The following SLC35F1 variants were observed in gnomAD, a reference collection of about 807,000 sequenced individuals.
SLC35F1 encodes solute carrier family 35 member F1.
In SLC35F1, 14 loss-of-function variants were observed where a neutral mutation model predicts 48.7. The ratio of observed to expected loss-of-function variants is 0.29; its 90% CI spans 0.19 to 0.45. SLC35F1 has a LOEUF of 0.45. SLC35F1 is among the 20% of genes least tolerant of loss of function. The pLI, the probability that SLC35F1 is intolerant of heterozygous loss-of-function variation, is 1.00. For synonymous variants in SLC35F1, 190 were observed against 202.2 expected, an observed-to-expected ratio of 0.94 and a Z score of 0.51; for missense variants, 404 against 500.0, an observed-to-expected ratio of 0.81 and a Z score of 1.83.
chr6:118,089,357 G>A (rs538844316), intron 1 of SLC35F1, among the ~76,000 whole-genome samples: 10 of 152,202 alleles, frequency 6.6e-5, no homozygotes, highest in South Asian at 2.1e-4. Flanking sequence ...TCATCCTTAC[G>A]TATGCCCAAA....
At chr6:118,297,720 T>A (rs977927786) in intron 7 of SLC35F1, among the ~76,000 whole-genome samples, 166 of 113,768 alleles carry the variant, frequency 1.5e-3, no homozygotes, top group Non-Finnish European at 2.2e-3. Flanking sequence ...GAAATATATA[T>A]TATATATATA....
chr6:118,123,463 T>C (rs907968557), intron 1 of SLC35F1, among the ~76,000 whole-genome samples: 1 of 152,086 alleles, frequency 6.6e-6, no homozygotes, highest in African/African-American at 2.4e-5. Flanking sequence ...TGGAGATAGA[T>C]TCTACACAAA....
At chr6:118,118,274 C>T (rs1773500807) in intron 1 of SLC35F1, among the ~76,000 whole-genome samples, 1 of 152,152 alleles carries the variant, frequency 6.6e-6, no homozygotes, top group South Asian at 2.1e-4. Flanking sequence ...AGTGGGGATA[C>T]ACTTAACACT....
At chr6:118,274,864 C>T (rs1775901626) in intron 4 of SLC35F1, among the ~76,000 whole-genome samples, 1 of 152,212 alleles carries the variant, frequency 6.6e-6, no homozygotes, top group Non-Finnish European at 1.5e-5. Context: ...TGCCCATGGT[C>T]AAAGTGCAAT....
intron 2 of SLC35F1, among the ~76,000 whole-genome samples, chr6:118,223,732 C>A (rs1345293583): frequency 6.6e-6 from 1 of 152,216 alleles, no homozygotes; most frequent in Non-Finnish European, 1.5e-5. Flanking sequence ...CGTTGACACT[C>A]CATCTTGCTA....
intron 3 of SLC35F1, among the ~76,000 whole-genome samples, chr6:118,250,275 G>T (rs940976637): frequency 3.9e-5 from 6 of 151,982 alleles, no homozygotes; most frequent in Non-Finnish European, 5.9e-5. Flanking sequence ...TACTTAATTG[G>T]CTGTCTTGTC....
At chr6:118,052,707 A>T (rs1361620319) in intron 1 of SLC35F1, among the ~76,000 whole-genome samples, 2 of 152,224 alleles carry the variant, frequency 1.3e-5, no homozygotes, top group Non-Finnish European at 2.9e-5. Flanking sequence ...TTTTTCCTAA[A>T]TTAAGAGAAA....
Position 118,251,471 on chromosome 6 carries a change from G to C in SLC35F1, c.478-15524G>C, listed in dbSNP as rs897641874. 2.6e-5 allele frequency among the ~76,000 whole-genome samples: 4 copies of C among 152,220 alleles called. No homozygotes were observed. In the East Asian group the frequency reaches 7.7e-4, roughly 29 times the overall value. ...ACTCTTGTATAACTGACAGCATGGAGTTTAAAGGAGGAAATGAGCAAAGAA... is the reference window on the plus strand; with the variant it reads ...ACTCTTGTATAACTGACAGCATGGACTTTAAAGGAGGAAATGAGCAAAGAA... On this transcript the variant is annotated intron_variant, in intron 3 of 7. Transcript: ENST00000360388.
chr6:117,966,520 A>G (rs1024234550), intron 1 of SLC35F1, among the ~76,000 whole-genome samples: 1 of 152,196 alleles, frequency 6.6e-6, no homozygotes, highest in African/African-American at 2.4e-5. Context: ...TCCTGAAGTC[A>G]GCGAGACCAC....
intron 1 of SLC35F1, among the ~76,000 whole-genome samples, chr6:118,035,857 A>G (rs1482067332): frequency 6.7e-6 from 1 of 150,258 alleles, no homozygotes; most frequent in Non-Finnish European, 1.5e-5. Flanking sequence ...CGCCCGGCTA[A>G]TTTTTTTGTA....
At chr6:118,127,851 A>G (rs1456660421) in intron 1 of SLC35F1, among the ~76,000 whole-genome samples, 5 of 151,050 alleles carry the variant, frequency 3.3e-5, no homozygotes, top group Admixed American at 2.6e-4. Flanking sequence ...AGCAAAAGAA[A>G]CTACCATCAG....
intron 3 of SLC35F1, among the ~76,000 whole-genome samples, chr6:118,262,184 G>A (rs188120779): frequency 3.9e-5 from 6 of 152,192 alleles, no homozygotes; most frequent in Admixed American, 6.5e-5. Flanking sequence ...GCACACTTTC[G>A]GAAGTGTGGG....
At chr6:118,128,405 C>T (rs1283710730) in intron 1 of SLC35F1, among the ~76,000 whole-genome samples, 1 of 149,200 alleles carries the variant, frequency 6.7e-6, no homozygotes, top group Non-Finnish European at 1.5e-5. Context: ...AGACTTGGAA[C>T]CAACCCAAAT....
At chr6:118,173,809 G>A (rs72963641) in intron 2 of SLC35F1, among the ~76,000 whole-genome samples, 20,346 of 152,158 alleles carry the variant, frequency 0.13, 1,633 homozygotes, top group Non-Finnish European at 0.18. Context: ...GTACAGGACT[G>A]GAGAGCAAAG....
chr6:118,226,798 A>G (rs1475395310), intron 2 of SLC35F1, among the ~76,000 whole-genome samples: 1 of 152,228 alleles, frequency 6.6e-6, no homozygotes, highest in East Asian at 1.9e-4. Context: ...ATTATAATTA[A>G]CTATAATTAA....
intron 2 of SLC35F1, among the ~76,000 whole-genome samples, chr6:118,156,669 AAAAATAAAAT>A (rs368503344): frequency 1.7e-4 from 24 of 140,548 alleles, no homozygotes; most frequent in African/African-American, 4.5e-4. Flanking sequence ...AAGTATAATA[AAAAATAAAAT>A]AAAATAAAAT....
intron 1 of SLC35F1, among the ~76,000 whole-genome samples, chr6:118,095,161 C>T (rs1394089093): frequency 6.6e-6 from 1 of 152,132 alleles, no homozygotes; most frequent in Non-Finnish European, 1.5e-5. Flanking sequence ...GATAATTGGC[C>T]ATTGTATTTG....
chr6:117,923,675 G>GTACATATATGTATATA lies in SLC35F1; in HGVS notation c.173+15785_173+15786insGTATATATACATATAT, dbSNP rs1775951085. On this transcript the variant is annotated intron_variant, in intron 1 of 7. Transcript: ENST00000360388. ...TGTACATATGTATATATACATATAT[G>GTACATATATGTATATA]TACATATATACATATGTACATATAC... Among the ~76,000 whole-genome samples the GTACATATATGTATATA allele has an allele frequency of 1.1e-4, 4 of 36,304 alleles. 1 individual carries two copies. The highest frequency in any genetic ancestry group is 2.2e-4 in the African/African-American group (2 of 8,890). The allele number at this position is 36,304 out of a possible 152,430, so 23.8% of individuals were successfully genotyped here. A position where few individuals can be genotyped will look rare whatever the true frequency, so the allele number is the denominator to read the frequency against.
intron 1 of SLC35F1, among the ~76,000 whole-genome samples, chr6:117,950,849 C>A (rs1319865443): frequency 2.6e-5 from 4 of 152,068 alleles, no homozygotes; most frequent in African/African-American, 9.7e-5. Context: ...CAGAAGAAAG[C>A]AGGTGTTGAG....
Sources: allele counts gnomAD v4.1 joint callset (sites outside exome capture counted in the v4.1 genomes callset), GRCh38; gene constraint gnomAD v4.1.1; transcripts MANE v1.5; gene names NCBI Gene and HGNC (gene_info 2026-07-23, HGNC 2026-07-21).